PLEKHA6: variants seen among roughly 807,000 people sequenced by gnomAD.
PLEKHA6 encodes pleckstrin homology domain containing A6.
PLEKHA6 carries 60 observed loss-of-function variants against 116.7 expected under a neutral mutation model. The ratio of observed to expected loss-of-function variants is 0.51; its 90% CI spans 0.42 to 0.64. The LOEUF (loss-of-function observed/expected upper bound fraction) is 0.64. Among genes scored for constraint, PLEKHA6 ranks in the 30% least tolerant of loss-of-function variants. The probability of loss-of-function intolerance (pLI) is 0.00; values close to 1 mark genes in which losing one functional copy is unlikely to be tolerated. For missense variants in PLEKHA6, 1,338 were observed against 1,422.7 expected (o/e 0.94, Z 0.96); for synonymous variants, 489 against 556.1 (o/e 0.88, Z 1.70).
In PLEKHA6 at chr1:204,229,063, G is replaced by A. The variant is rs762448679; in HGVS notation, c.2625C>T (p.Asn875=). The change falls in exon 19 of 23, where the codon AAC becomes AAT. Residue 875 remains asparagine, a synonymous_variant. Transcript: ENST00000272203. ...CCTCTGCCCGCAGGGCTGCCTCCAG[G>A]TTGGAGATGTCTACCTCATGGATGC... The part of the protein sequence containing the change: ...HRSIHEVDIS[N]LEAALRAEEP... 1 of 1,613,948 alleles carries A rather than the reference G, an allele frequency of 6.2e-7. No individual in the cohort carries two copies. The highest frequency in any genetic ancestry group is 8.5e-7 in the Non-Finnish European group (1 of 1,179,884).
At chr1:204,302,791 G>A (rs1670939297) in intron 1 of PLEKHA6, among the ~76,000 whole-genome samples, 1 of 152,152 alleles carries the variant, frequency 6.6e-6, no homozygotes, top group East Asian at 1.9e-4. Context: ...CAGGAGAATT[G>A]CTTGAACCCA....
At chr1:204,337,551 A>C (rs939446520) in intron 1 of PLEKHA6, among the ~76,000 whole-genome samples, 1 of 152,252 alleles carries the variant, frequency 6.6e-6, no homozygotes, top group Non-Finnish European at 1.5e-5. Flanking sequence ...AGGAAAAAGA[A>C]AGAATTAATG....
chr1:204,292,203 T>G (rs143296159), intron 1 of PLEKHA6, among the ~76,000 whole-genome samples: 2 of 152,250 alleles, frequency 1.3e-5, no homozygotes, highest in African/African-American at 4.8e-5. Flanking sequence ...AGGGAAAATA[T>G]CAAATAAAAT....
intron 1 of PLEKHA6, among the ~76,000 whole-genome samples, chr1:204,335,139 A>C (rs1345138409): frequency 6.6e-6 from 1 of 152,040 alleles, no homozygotes; most frequent in African/African-American, 2.4e-5. Context: ...AGAAACAGAC[A>C]GCGGCACTTT....
chr1:204,351,044 G>A (rs1026798129), intron 1 of PLEKHA6, among the ~76,000 whole-genome samples: 2 of 152,154 alleles, frequency 1.3e-5, no homozygotes, highest in Non-Finnish European at 2.9e-5. Context: ...CCAGCTAACC[G>A]GTTACCCGGG....
chr1:204,230,703 T>A lies in PLEKHA6; in HGVS notation c.2410-117A>T, dbSNP rs76203358. ...AGTCTGCCTGTAGTGGACTGAAGAGTGGTCCCCAAAAGATATGTCCAAGTC... is the reference window on the plus strand; with the variant it reads ...AGTCTGCCTGTAGTGGACTGAAGAGAGGTCCCCAAAAGATATGTCCAAGTC... On this transcript the variant is annotated intron_variant, in intron 17 of 22. Coordinates refer to ENST00000272203, the MANE Select transcript of PLEKHA6 (RefSeq NM_014935.5). 3.3e-3 allele frequency: 2,777 copies of A among 836,716 alleles called. 62 individuals carry two copies. The African/African-American group carries it at 0.043, about 13-fold the overall frequency. The allele number at this position is 836,716 out of a possible 1,614,324, so 51.8% of individuals were successfully genotyped here. A position where few individuals can be genotyped will look rare whatever the true frequency, so the allele number is the denominator to read the frequency against.
At chr1:204,233,769 T>C (rs1661559818) in intron 17 of PLEKHA6, among the ~76,000 whole-genome samples, 3 of 152,090 alleles carry the variant, frequency 2.0e-5, no homozygotes, top group Admixed American at 2.0e-4. Flanking sequence ...TTTTCTAGTT[T>C]AAAAATGGAG....
intron 1 of PLEKHA6, among the ~76,000 whole-genome samples, chr1:204,319,256 G>A (rs1167402478): frequency 6.6e-6 from 1 of 152,192 alleles, no homozygotes; most frequent in Non-Finnish European, 1.5e-5. Flanking sequence ...AGCAGGAGGA[G>A]GAGCAGGCTG....
At chr1:204,255,137 T>C (rs1451666065) in intron 9 of PLEKHA6, among the ~76,000 whole-genome samples, 1 of 152,162 alleles carries the variant, frequency 6.6e-6, no homozygotes, top group Admixed American at 6.5e-5. Context: ...ACTGAGTGAA[T>C]ATTACTTTAA....
intron 1 of PLEKHA6, chr1:204,377,564 A>G (rs1673892262): frequency 6.6e-6 from 1 of 152,300 alleles, no homozygotes; most frequent in African/African-American, 2.4e-5. Flanking sequence ...AAATAAAAAG[A>G]AGAGCGAGAC....
intron 11 of PLEKHA6, 33 bp from the exon 12 acceptor site, chr1:204,249,003 C>T: frequency 2.5e-6 from 4 of 1,608,450 alleles, no homozygotes; most frequent in Non-Finnish European, 3.4e-6. Flanking sequence ...CATGAGCAGC[C>T]CTGACAGCTC....
chr1:204,275,093 G>A (rs999132519), intron 1 of PLEKHA6: 2 of 214,708 alleles, frequency 9.3e-6, no homozygotes, highest in African/African-American at 4.7e-5. Flanking sequence ...AACTCTTTCA[G>A]TGGTTATCCT....
chr1:204,359,086 C>T (rs1028296416), intron 1 of PLEKHA6, among the ~76,000 whole-genome samples: 1 of 152,032 alleles, frequency 6.6e-6, no homozygotes. Flanking sequence ...ATTCCCTGCC[C>T]TCCTCTACCA....
chr1:204,338,529 T>C (rs896706636), intron 1 of PLEKHA6, among the ~76,000 whole-genome samples: 1 of 152,188 alleles, frequency 6.6e-6, no homozygotes, highest in Non-Finnish European at 1.5e-5. Flanking sequence ...CCAGGAACTT[T>C]ACTAGGTCTT....
intron 1 of PLEKHA6, among the ~76,000 whole-genome samples, chr1:204,373,965 C>A (rs1275826561): frequency 6.6e-6 from 1 of 152,106 alleles, no homozygotes; most frequent in Non-Finnish European, 1.5e-5. Flanking sequence ...AGAAAGTCAG[C>A]CAGTGCCCTC....
chr1:204,340,537 T>C (rs1032370702), intron 1 of PLEKHA6, among the ~76,000 whole-genome samples: 1 of 152,146 alleles, frequency 6.6e-6, no homozygotes, highest in Non-Finnish European at 1.5e-5. Context: ...AGGCAAGCGA[T>C]GCTCAAAGCA....
chr1:204,357,445 C>G (rs1181289765), intron 1 of PLEKHA6, among the ~76,000 whole-genome samples: 2 of 152,240 alleles, frequency 1.3e-5, no homozygotes, highest in Non-Finnish European at 2.9e-5. Context: ...CCCAGTTACT[C>G]TAAATGTCTC....
intron 1 of PLEKHA6, among the ~76,000 whole-genome samples, chr1:204,352,154 A>G (rs1216052345): frequency 1.3e-5 from 2 of 152,064 alleles, no homozygotes; most frequent in African/African-American, 4.8e-5. Context: ...CAGACAGATC[A>G]CTTGAGGCCA....
chr1:204,308,964 C>G (rs1422691324), intron 1 of PLEKHA6: 3 of 415,846 alleles, frequency 7.2e-6, no homozygotes, highest in Non-Finnish European at 9.7e-6. Flanking sequence ...GCTGGGATTA[C>G]AGGCGTGAGC....
Sources: allele counts gnomAD v4.1 joint callset (sites outside exome capture counted in the v4.1 genomes callset), GRCh38; gene constraint gnomAD v4.1.1; transcripts MANE v1.5; gene names NCBI Gene and HGNC (gene_info 2026-07-23, HGNC 2026-07-21).